The following MTHFD1L variants were observed in gnomAD, a reference collection of about 807,000 sequenced individuals.
The protein encoded by MTHFD1L is methylenetetrahydrofolate dehydrogenase (NADP+ dependent) 1 like, also known as monofunctional C1-tetrahydrofolate synthase, mitochondrial.
Under a neutral mutation model 119.5 loss-of-function variants are expected in MTHFD1L, and 81 were observed. That is an observed-to-expected ratio of 0.68 (90% confidence interval 0.57 to 0.82). The LOEUF (loss-of-function observed/expected upper bound fraction) is 0.82, where lower values mean the gene tolerates loss of function less well. MTHFD1L is among the 40% of genes least tolerant of loss of function. The pLI, the probability that MTHFD1L is intolerant of heterozygous loss-of-function variation, is 0.00. For missense variants in MTHFD1L, 1,125 were observed against 1,253.4 expected (o/e 0.90, Z 1.55); for synonymous variants, 430 against 475.2 (o/e 0.90, Z 1.24).
chr6:151,020,414 C>T (rs1263447694), intron 24 of MTHFD1L, among the ~76,000 whole-genome samples: 2 of 152,194 alleles, frequency 1.3e-5, no homozygotes, highest in Non-Finnish European at 2.9e-5. Flanking sequence ...AAACAGGCTG[C>T]ACTTCTGACT....
intron 7 of MTHFD1L, among the ~76,000 whole-genome samples, chr6:150,892,511 A>G (rs539885552): frequency 6.6e-6 from 1 of 152,090 alleles, no homozygotes; most frequent in Non-Finnish European, 1.5e-5. Context: ...AGTCCTTGGT[A>G]TTTATAGTGG....
chr6:150,891,448 A>C lies in MTHFD1L; in HGVS notation c.780+3467A>C, dbSNP rs907033241. 2.0e-5 allele frequency among the ~76,000 whole-genome samples: 3 copies of C among 148,124 alleles called. No homozygotes were observed. The South Asian group carries it at 6.3e-4, about 31-fold the overall frequency. On this transcript the variant is annotated intron_variant, in intron 7 of 27. Coordinates refer to ENST00000367321, the MANE Select transcript of MTHFD1L (RefSeq NM_015440.5). ...ATAATATGTATTACATATAATCCTT[A>C]TATATATATAGAATCTTAATATATA... is the stretch of plus-strand genomic sequence containing the variant.
Position 150,971,971 on chromosome 6 carries a change from G to T in MTHFD1L, c.2038G>T (p.Gly680Cys), listed in dbSNP as rs2129019698. The change falls in exon 20 of 28, where the codon GGC becomes TGC. Residue 680 changes from glycine (G) to cysteine (C), a missense_variant. By Grantham distance (159) the Gly-to-Cys change is radical. Coordinates refer to ENST00000367321, the MANE Select transcript of MTHFD1L (RefSeq NM_015440.5). ...LEGTPVFVHA[G>C]PFANIAHGNS... ...GGGGACACCTGTGTTCGTGCATGCG[G>T]GCCCTTTTGCTAACATTGCTCACGG... 1 of 1,614,106 alleles carries T rather than the reference G, an allele frequency of 6.2e-7. No homozygotes were observed. Among genetic ancestry groups the T allele is most frequent in the East Asian group, 2.2e-5 (1 of 44,888 alleles).
At chr6:150,885,343 G>A (rs111706738) in intron 5 of MTHFD1L, among the ~76,000 whole-genome samples, 30 of 152,024 alleles carry the variant, frequency 2.0e-4, no homozygotes, top group African/African-American at 6.8e-4. Flanking sequence ...TTACAGGCAC[G>A]TGCCATCACG....
chr6:151,075,476 A>G (rs1792393148), intron 26 of MTHFD1L, among the ~76,000 whole-genome samples: 1 of 152,170 alleles, frequency 6.6e-6, no homozygotes, highest in Admixed American at 6.5e-5. Context: ...ATATAATAAC[A>G]GAGCATCAAC....
chr6:150,955,874 G>C, intron 16 of MTHFD1L, 121 bp from the exon 17 acceptor site: 2 of 768,152 alleles, frequency 2.6e-6, no homozygotes, highest in Non-Finnish European at 4.5e-6. Flanking sequence ...GGTCAGCTTG[G>C]GGGAGCCTGA....
At chr6:151,014,575 A>G (rs1408524512) in intron 22 of MTHFD1L, among the ~76,000 whole-genome samples, 2 of 152,160 alleles carry the variant, frequency 1.3e-5, no homozygotes, top group Non-Finnish European at 2.9e-5. Context: ...CTCCTCACCC[A>G]CCTGGGGCCT....
rs748322016 is a variant in MTHFD1L at position 151,034,504 on chromosome 6, G to A, written c.2598G>A (p.Val866=). The A allele has an allele frequency of 3.7e-6, 6 of 1,608,500 alleles. No homozygotes were observed. Among genetic ancestry groups the A allele is most frequent in the Non-Finnish European group, 5.1e-6 (6 of 1,177,032 alleles). The change falls in exon 25 of 28, where the codon GTG becomes GTA. Residue 866 remains valine (V), a synonymous_variant. Transcript: ENST00000367321. ...QFLYDVQVPI[V]DKIRTIAQAV... ...TTGTGTTTCTCCAGGTTCCAATTGT[G>A]GACAAGATAAGGACCATTGCTCAGG...
Position 150,905,674 on chromosome 6 carries a change from C to A in MTHFD1L, c.805C>A (p.Leu269Ile). 1 of 1,613,922 alleles carries A rather than the reference C, an allele frequency of 6.2e-7. No homozygotes were observed. The highest frequency in any genetic ancestry group is 8.5e-7 in the Non-Finnish European group (1 of 1,179,934). Residue 269 changes from leucine (L) to isoleucine (I), a missense_variant, in exon 8 of 28, where the codon CTA becomes ATA. By Grantham distance (5) the Leu-to-Ile change is conservative. Around this residue, in one of 3 missense-constraint regions of MTHFD1L, gnomAD observed 1,058 missense variants for 1,151.2 expected, o/e 0.92. Coordinates refer to ENST00000367321, the MANE Select transcript of MTHFD1L (RefSeq NM_015440.5). ...SKLHEADIVV[L>I]GSPKPEEIPL... The stretch of plus-strand genomic sequence containing the variant: ...GCTTCACGAGGCTGACATTGTGGTC[C>A]TAGGCTCACCTAAGCCAGAAGAGAT...
At chr6:151,019,484 T>C (rs796098349) in intron 24 of MTHFD1L, among the ~76,000 whole-genome samples, 5 of 152,294 alleles carry the variant, frequency 3.3e-5, no homozygotes, top group African/African-American at 1.2e-4. Context: ...ATGCAGATAA[T>C]GCTGCTAAAA....
rs1377941127 is a variant in MTHFD1L, at chr6:151,044,839, T to TGTTGG, written c.2847+7724_2847+7725insTGGGT. Reference sequence around the variant, plus strand: ...TGGAGCGTGTTTGGGGCATCAGTGATGTCACCCGCTACAAATGCTGGGTGG... The same window carrying TGTTGG: ...TGGAGCGTGTTTGGGGCATCAGTGATGTTGGGTCACCCGCTACAAATGCTGGGTGG... On this transcript the variant is annotated intron_variant, in intron 26 of 27. Transcript: ENST00000367321. 2.6e-5 allele frequency among the ~76,000 whole-genome samples: 4 copies of TGTTGG among 152,260 alleles called. No individual in the cohort carries two copies. In the East Asian group the frequency reaches 7.7e-4, roughly 29 times the overall value.
At chr6:150,922,175 A>G (rs1789065876) in intron 9 of MTHFD1L, 30 bp from the exon 10 acceptor site, 15 of 1,538,308 alleles carry the variant, frequency 9.8e-6, no homozygotes, top group Non-Finnish European at 1.3e-5. Context: ...TTACCATTCT[A>G]ACATGTTTTC....
intron 15 of MTHFD1L, among the ~76,000 whole-genome samples, chr6:150,945,922 G>A (rs541456064): frequency 1.3e-5 from 2 of 152,206 alleles, no homozygotes; most frequent in African/African-American, 4.8e-5. Flanking sequence ...CTTGAGCCAA[G>A]GAGTTCAAGG....
intron 26 of MTHFD1L, among the ~76,000 whole-genome samples, chr6:151,046,453 T>C (rs1264235443): frequency 2.8e-5 from 4 of 141,660 alleles, no homozygotes; most frequent in Non-Finnish European, 6.1e-5. Context: ...TATATATATA[T>C]ATATAATATG....
At chr6:150,971,574 T>C (rs1003646146) in intron 19 of MTHFD1L, among the ~76,000 whole-genome samples, 1 of 152,218 alleles carries the variant, frequency 6.6e-6, no homozygotes, top group African/African-American at 2.4e-5. Flanking sequence ...ATACCTTTTA[T>C]ACCATCAGGG....
At chr6:151,065,651 C>G (rs969979697) in intron 26 of MTHFD1L, among the ~76,000 whole-genome samples, 1 of 152,234 alleles carries the variant, frequency 6.6e-6, no homozygotes, top group African/African-American at 2.4e-5. Context: ...CTTTTCTCTC[C>G]CACCATCTGC....
intron 6 of MTHFD1L, among the ~76,000 whole-genome samples, chr6:150,886,006 A>G (rs1287874520): frequency 6.6e-6 from 1 of 152,236 alleles, no homozygotes; most frequent in Non-Finnish European, 1.5e-5. Context: ...ATTAGTAGAG[A>G]TAAACGATTA....
intron 25 of MTHFD1L, 30 bp downstream of exon 25, chr6:151,034,630 A>G: frequency 1.4e-6 from 2 of 1,405,380 alleles, no homozygotes; most frequent in Non-Finnish European, 1.0e-6. Flanking sequence ...GGGAAAAGAA[A>G]AAATTCACCT....
chr6:150,934,013 T>C (rs923586899), intron 11 of MTHFD1L, among the ~76,000 whole-genome samples: 18 of 152,236 alleles, frequency 1.2e-4, no homozygotes, highest in African/African-American at 4.3e-4. Context: ...TCTTCTGTCC[T>C]TATCCCTTTT....
Sources: gnomAD v4.1 joint callset for allele counts (sites outside exome capture counted in the v4.1 genomes callset) on GRCh38, gnomAD v4.1.1 for gene constraint, gnomAD v4.1.1 regional missense constraint, MANE v1.5 for transcripts, NCBI Gene and HGNC (gene_info 2026-07-23, HGNC 2026-07-21) for gene names.